The following MTAP variants were observed in gnomAD, a reference collection of about 807,000 sequenced individuals.
MTAP encodes the protein methylthioadenosine phosphorylase, also known as S-methyl-5'-thioadenosine phosphorylase.
In MTAP, 33 loss-of-function variants were observed where a neutral mutation model predicts 33.6. The ratio of observed to expected loss-of-function variants is 0.98; its 90% CI spans 0.74 to 1.31. MTAP has a LOEUF of 1.31. Ranked by LOEUF, MTAP falls within the 40% of genes most tolerant of loss-of-function variation. The probability of loss-of-function intolerance (pLI) is 0.00; values close to 1 mark genes in which losing one functional copy is unlikely to be tolerated. For synonymous variants in MTAP, 148 were observed against 125.7 expected (o/e 1.18, Z -1.19); for missense variants, 367 against 360.0 (o/e 1.02, Z -0.16).
intron 1 of MTAP, among the ~76,000 whole-genome samples, chr9:21,887,473 G>A (rs1368939153): frequency 2.0e-5 from 3 of 152,062 alleles, no homozygotes; most frequent in African/African-American, 7.2e-5. Context: ...AGTATTCCAT[G>A]GTGTATATGT....
downstream of MTAP, among the ~76,000 whole-genome samples, chr9:21,871,305 T>C (rs944078960): frequency 6.6e-5 from 10 of 152,196 alleles, no homozygotes; most frequent in African/African-American, 1.9e-4. Context: ...CACAACTCTT[T>C]GACCCCAGCT....
At chr9:21,890,826 T>C (rs376882427) in intron 1 of MTAP, among the ~76,000 whole-genome samples, 161 of 152,174 alleles carry the variant, frequency 1.1e-3, no homozygotes, top group African/African-American at 3.7e-3. Context: ...TGGCAAGCTG[T>C]TTCCTTCAAA....
chr9:21,861,788 G>A (rs1825758420), intron 7 of MTAP, 188 bp from the exon 8 acceptor site: 5 of 602,574 alleles, frequency 8.3e-6, no homozygotes, highest in Non-Finnish European at 1.5e-5. Context: ...GAGGAACCAA[G>A]AGTTTAGAGT....
chr9:21,831,838 G>T (rs1242212914), intron 4 of MTAP, among the ~76,000 whole-genome samples: 1 of 151,712 alleles, frequency 6.6e-6, no homozygotes, highest in Non-Finnish European at 1.5e-5. Context: ...AATATTAAAG[G>T]AAGCAGAGTG....
intron 2 of MTAP, among the ~76,000 whole-genome samples, chr9:21,815,917 C>T (rs914683909): frequency 2.6e-5 from 4 of 152,104 alleles, no homozygotes; most frequent in Non-Finnish European, 4.4e-5. Context: ...ATTATTGTTA[C>T]GAAGCGGCAT....
downstream of MTAP, chr9:21,933,216 A>G (rs894181451): frequency 3.3e-5 from 5 of 152,226 alleles, no homozygotes; most frequent in African/African-American, 1.2e-4. Context: ...TGGATGGGGA[A>G]GACACAGATC....
intron 1 of MTAP, chr9:21,803,199 C>T: frequency 5.5e-6 from 2 of 361,332 alleles, no homozygotes; most frequent in Non-Finnish European, 9.8e-6. Context: ...GTCCGGGCGC[C>T]TGCAGCTTCT....
chr9:21,811,659 C>T (rs1041360700), intron 1 of MTAP: 3 of 526,188 alleles, frequency 5.7e-6, no homozygotes, highest in African/African-American at 3.9e-5. Context: ...AACTCTTCCT[C>T]CTCAGCCGTG....
At chr9:21,827,757 G>A (rs887692346) in intron 4 of MTAP, among the ~76,000 whole-genome samples, 4 of 152,198 alleles carry the variant, frequency 2.6e-5, no homozygotes, top group African/African-American at 4.8e-5. Flanking sequence ...CATTTGAATA[G>A]AGAGATAGGC....
chr9:21,939,476 TTCTC>T (rs777954955), downstream of MTAP, among the ~76,000 whole-genome samples: 2 of 152,324 alleles, frequency 1.3e-5, no homozygotes, highest in East Asian at 3.9e-4. Flanking sequence ...AGCATATACT[TTCTC>T]TCTTACCTGA....
At chr9:21,824,035 C>T (rs1274248944) in intron 4 of MTAP, among the ~76,000 whole-genome samples, 1 of 152,188 alleles carries the variant, frequency 6.6e-6, no homozygotes, top group East Asian at 1.9e-4. Flanking sequence ...TTTTTAGCTT[C>T]TTTGCATTGG....
At chr9:21,917,382 A>G (rs767672577) in intron 1 of MTAP, among the ~76,000 whole-genome samples, 2 of 152,224 alleles carry the variant, frequency 1.3e-5, no homozygotes, top group Non-Finnish European at 2.9e-5. Flanking sequence ...AGACGAAAGC[A>G]AGGCCTACCC....
chr9:21,893,008 C>G (rs1284135559), intron 1 of MTAP: 1 of 152,150 alleles, frequency 6.6e-6, no homozygotes, highest in African/African-American at 2.4e-5. Context: ...ATTAAACAAC[C>G]TTCTCCTTAA....
rs7023954 is a variant in MTAP, at chr9:21,816,759, G to A, written c.166G>A (p.Val56Ile). Reference protein sequence around the residue: ...ILGKIKNVDCVLLARHGRQHT... With the variant: ...ILGKIKNVDCILLARHGRQHT... ...GGGGAAGATAAAAAATGTTGATTGC[G>A]TCCTCCTTGCAAGGTATGGTATTTT... is the stretch of plus-strand genomic sequence containing the variant. The change falls in exon 3 of 8, where the codon GTC (valine) becomes ATC (isoleucine). Residue 56 changes from valine (V) to isoleucine (I), a missense_variant. Coordinates refer to ENST00000644715, the MANE Select transcript of MTAP (RefSeq NM_002451.4). 0.41 allele frequency: 654,235 copies of A among 1,605,850 alleles called. 136,352 individuals carry two copies. The highest frequency in any genetic ancestry group is 0.43 in the African/African-American group (32,359 of 74,632).
chr9:21,837,734 G>A (rs966386922), intron 4 of MTAP, among the ~76,000 whole-genome samples, 174 bp from the exon 5 acceptor site: 6 of 152,086 alleles, frequency 3.9e-5, no homozygotes, highest in Admixed American at 1.3e-4. Flanking sequence ...CCAAAAAAGC[G>A]GAATACCACC....
intron 1 of MTAP, among the ~76,000 whole-genome samples, chr9:21,897,306 T>A (rs1376966672): frequency 2.0e-5 from 3 of 152,160 alleles, no homozygotes; most frequent in African/African-American, 4.8e-5. Context: ...AAGCATTCCC[T>A]TTGAAAACTG....
intron 1 of MTAP, 142 bp downstream of exon 1, chr9:21,802,923 C>T: frequency 7.0e-7 from 1 of 1,437,624 alleles, no homozygotes; most frequent in South Asian, 1.5e-5. Context: ...GCGCGGCACT[C>T]GGGACTCACT....
At chr9:21,884,737 G>C (rs1226095253) in intron 1 of MTAP, among the ~76,000 whole-genome samples, 2 of 152,074 alleles carry the variant, frequency 1.3e-5, no homozygotes, top group African/African-American at 4.8e-5. Flanking sequence ...TCTAAACCTT[G>C]TGACCTCCCA....
intron 1 of MTAP, chr9:21,803,401 C>G (rs1465094651): frequency 6.5e-6 from 1 of 154,660 alleles, no homozygotes. Flanking sequence ...CTGAGACTTT[C>G]TTCGAAAAGG....
Sources: allele counts gnomAD v4.1 joint callset (sites outside exome capture counted in the v4.1 genomes callset), GRCh38; gene constraint gnomAD v4.1.1; transcripts MANE v1.5; gene names NCBI Gene and HGNC (gene_info 2026-07-23, HGNC 2026-07-21).